The following CTNNA3 variants were observed in gnomAD, a reference collection of about 807,000 sequenced individuals.
The protein encoded by CTNNA3 is catenin alpha-3.
Under a neutral mutation model 95.7 loss-of-function variants are expected in CTNNA3, and 76 were observed. That is an observed-to-expected ratio of 0.79 (90% confidence interval 0.66 to 0.96). The LOEUF (loss-of-function observed/expected upper bound fraction) is 0.96, where lower values mean the gene tolerates loss of function less well. Among genes scored for constraint, CTNNA3 ranks in the 40% least tolerant of loss-of-function variants. The pLI is 0.00. For missense variants in CTNNA3, 1,191 were observed against 1,089.8 expected, an observed-to-expected ratio of 1.09 and a Z score of -1.31; for synonymous variants, 431 against 374.4, an observed-to-expected ratio of 1.15 and a Z score of -1.74.
chr10:66,280,851 C>T (rs1030441885), intron 12 of CTNNA3, among the ~76,000 whole-genome samples: 1 of 151,512 alleles, frequency 6.6e-6, no homozygotes, highest in East Asian at 1.9e-4. Context: ...AAACCCCAGG[C>T]TTCTGGAGAG....
intron 7 of CTNNA3, among the ~76,000 whole-genome samples, chr10:67,175,876 T>C (rs1564943712): frequency 6.6e-6 from 1 of 152,182 alleles, no homozygotes; most frequent in East Asian, 1.9e-4. Flanking sequence ...GATCACCATG[T>C]AAAAATAATT....
intron 5 of CTNNA3, among the ~76,000 whole-genome samples, chr10:67,360,303 T>C (rs772967038): frequency 2.0e-5 from 3 of 149,816 alleles, no homozygotes; most frequent in Non-Finnish European, 4.4e-5. Flanking sequence ...CAATTGAGAA[T>C]ACAAAGCTAC....
intron 7 of CTNNA3, among the ~76,000 whole-genome samples, chr10:66,939,126 A>G (rs997896946): frequency 1.6e-4 from 25 of 152,136 alleles, no homozygotes; most frequent in African/African-American, 5.6e-4. Flanking sequence ...TAACTACTCT[A>G]CTGGAGGCCT....
At chr10:67,412,201 C>G (rs554964472) in intron 5 of CTNNA3, among the ~76,000 whole-genome samples, 1 of 152,092 alleles carries the variant, frequency 6.6e-6, no homozygotes, top group African/African-American at 2.4e-5. Flanking sequence ...ATTTATATTA[C>G]AACACTTTTC....
At chr10:65,963,570 TAC>T (rs1411940473) in intron 17 of CTNNA3, among the ~76,000 whole-genome samples, 1 of 152,214 alleles carries the variant, frequency 6.6e-6, no homozygotes, top group Non-Finnish European at 1.5e-5. Flanking sequence ...TATGGTTTAT[TAC>T]AGTGTTCTGG....
intron 13 of CTNNA3, among the ~76,000 whole-genome samples, chr10:66,232,070 T>C (rs1026667207): frequency 3.3e-5 from 5 of 152,132 alleles, no homozygotes; most frequent in African/African-American, 1.2e-4. Flanking sequence ...TCTAATTACA[T>C]ACAGTTGAGG....
At chr10:67,754,234 T>G (rs1372035608) in intron 1 of CTNNA3, among the ~76,000 whole-genome samples, 1 of 151,934 alleles carries the variant, frequency 6.6e-6, no homozygotes, top group Non-Finnish European at 1.5e-5. Context: ...AAATACCGCA[T>G]GTACAAGTGG....
At chr10:66,650,076 G>C (rs1177594607) in intron 9 of CTNNA3, among the ~76,000 whole-genome samples, 1 of 152,174 alleles carries the variant, frequency 6.6e-6, no homozygotes, top group Non-Finnish European at 1.5e-5. Flanking sequence ...GTAAACATCA[G>C]ATTAAAACTA....
At chr10:67,343,423 T>C (rs1842293728) in intron 5 of CTNNA3, among the ~76,000 whole-genome samples, 1 of 152,200 alleles carries the variant, frequency 6.6e-6, no homozygotes, top group Non-Finnish European at 1.5e-5. Context: ...TGTCTTCTTC[T>C]ATTTCTTTCA....
chr10:66,508,853 G>GCAGATATTT (rs1840557407), intron 11 of CTNNA3, among the ~76,000 whole-genome samples: 1 of 152,080 alleles, frequency 6.6e-6, no homozygotes, highest in Admixed American at 6.6e-5. Context: ...ACATGGGGTT[G>GCAGATATTT]CAGATATTTC....
chr10:67,576,555 T>C (rs867880083), intron 3 of CTNNA3, among the ~76,000 whole-genome samples: 2 of 151,552 alleles, frequency 1.3e-5, no homozygotes, highest in South Asian at 4.2e-4. Context: ...TATTTTATTT[T>C]ATTTTATTAT....
At chr10:66,980,572 C>A (rs1179588345) in intron 7 of CTNNA3, among the ~76,000 whole-genome samples, 4 of 141,382 alleles carry the variant, frequency 2.8e-5, no homozygotes, top group African/African-American at 1.1e-4. Flanking sequence ...TCCTACCCAC[C>A]TGTGATTAAA....
chr10:66,439,674 T>G (rs2093362673), intron 11 of CTNNA3, among the ~76,000 whole-genome samples: 1 of 152,134 alleles, frequency 6.6e-6, no homozygotes, highest in Non-Finnish European at 1.5e-5. Flanking sequence ...TAAATCAAAA[T>G]AGTAATTATA....
At chr10:66,276,276 G>C (rs1417269538) in intron 13 of CTNNA3, among the ~76,000 whole-genome samples, 1 of 152,076 alleles carries the variant, frequency 6.6e-6, no homozygotes, top group Non-Finnish European at 1.5e-5. Context: ...AGGCACATAT[G>C]AAAATTCACA....
At chr10:66,112,393 A>G (rs1202602630) in intron 13 of CTNNA3, among the ~76,000 whole-genome samples, 2 of 152,192 alleles carry the variant, frequency 1.3e-5, no homozygotes, top group Non-Finnish European at 2.9e-5. Flanking sequence ...CTTTTAAAAT[A>G]TAATTCAAAA....
chr10:66,747,198 T>C (rs1838920242), intron 9 of CTNNA3, among the ~76,000 whole-genome samples: 1 of 152,208 alleles, frequency 6.6e-6, no homozygotes, highest in Non-Finnish European at 1.5e-5. Context: ...GTATATATTG[T>C]CTCGGGCCTT....
chr10:66,531,241 C>T (rs1221564172), intron 10 of CTNNA3, among the ~76,000 whole-genome samples: 1 of 151,962 alleles, frequency 6.6e-6, no homozygotes, highest in African/African-American at 2.4e-5. Flanking sequence ...GTGAGGACTC[C>T]CATTTTAATC....
chr10:66,913,209 G>T (rs1227308194), intron 7 of CTNNA3, among the ~76,000 whole-genome samples: 1 of 125,700 alleles, frequency 8.0e-6, no homozygotes, highest in East Asian at 2.7e-4. Flanking sequence ...ACTGCAGTCC[G>T]GCCTGGGCGA....
chr10:67,112,876 T>C (rs1411012569), intron 7 of CTNNA3, among the ~76,000 whole-genome samples: 5 of 151,882 alleles, frequency 3.3e-5, no homozygotes, highest in Admixed American at 3.3e-4. Flanking sequence ...GGAATATCAT[T>C]TTTTAAAAAA....
Sources: allele counts gnomAD v4.1 joint callset (sites outside exome capture counted in the v4.1 genomes callset), GRCh38; gene constraint gnomAD v4.1.1; transcripts MANE v1.5; gene names NCBI Gene and HGNC (gene_info 2026-07-23, HGNC 2026-07-21).